The following RAPH1 variants were observed in gnomAD, a reference collection of about 807,000 sequenced individuals.
RAPH1 encodes the protein Ras association (RalGDS/AF-6) and pleckstrin homology domains 1.
A neutral mutation model predicts 88.1 loss-of-function variants in RAPH1; 18 were observed. The observed-to-expected ratio is 0.20, with a 90% CI of 0.14 to 0.30. The LOEUF is 0.30. RAPH1 is among the 10% of genes least tolerant of loss of function. RAPH1 has a pLI of 1.00. For synonymous variants in RAPH1, 587 were observed against 559.0 expected, an observed-to-expected ratio of 1.05 and a Z score of -0.71; for missense variants, 1,448 against 1,543.2, an observed-to-expected ratio of 0.94 and a Z score of 1.03.
At chr2:203,466,155 C>T (rs982272841) in intron 4 of RAPH1, among the ~76,000 whole-genome samples, 9 of 152,126 alleles carry the variant, frequency 5.9e-5, no homozygotes, top group African/African-American at 1.9e-4. Context: ...GTTTATACTT[C>T]TCTAGTTTTA....
chr2:203,488,392 C>T (rs1335102756), intron 4 of RAPH1, among the ~76,000 whole-genome samples: 2 of 151,534 alleles, frequency 1.3e-5, no homozygotes, highest in Non-Finnish European at 2.9e-5. Flanking sequence ...AGTTTGAGAC[C>T]AGCCTGGCCA....
chr2:203,516,221 A>G (rs1444471979), intron 1 of RAPH1, among the ~76,000 whole-genome samples: 2 of 152,192 alleles, frequency 1.3e-5, no homozygotes, highest in African/African-American at 4.8e-5. Context: ...TGTAAATTGC[A>G]AAGTCTTGGG....
intron 1 of RAPH1, among the ~76,000 whole-genome samples, chr2:203,503,979 C>A (rs1688856706): frequency 6.6e-6 from 1 of 152,214 alleles, no homozygotes; most frequent in Non-Finnish European, 1.5e-5. Context: ...GGTGGGTTCC[C>A]ATGGTCTTGG....
At chr2:203,450,904 T>A (rs2098514315) in intron 10 of RAPH1, among the ~76,000 whole-genome samples, 2 of 152,118 alleles carry the variant, frequency 1.3e-5, no homozygotes, top group Non-Finnish European at 2.9e-5. Context: ...AGGGTTTTTT[T>A]TTTTTTTTAA....
chr2:203,531,412 AT>A (rs1002635635), intron 1 of RAPH1, among the ~76,000 whole-genome samples: 1 of 151,306 alleles, frequency 6.6e-6, no homozygotes, highest in African/African-American at 2.5e-5. Context: ...AAAAAAAAAA[AT>A]TTGTGCAAAA....
In RAPH1 at chr2:203,454,396, C is replaced by A. The variant is rs1168885830; in HGVS notation, c.1413+34G>T. The A allele has an allele frequency of 2.9e-6, 4 of 1,386,902 alleles. No individual in the cohort carries two copies. In the African/African-American group the frequency reaches 4.3e-5, roughly 15 times the overall value. The allele number at this position is 1,386,902 out of a possible 1,614,324, so 85.9% of individuals were successfully genotyped here. On this transcript the variant is annotated intron_variant, in intron 10 of 13. Coordinates refer to ENST00000319170, the MANE Select transcript of RAPH1 (RefSeq NM_213589.3). ...CAATAACCTGCTCTATGTCTAACAT[C>A]AATTAAAATTCCTAAAAAGAAATAT...
chr2:203,509,253 A>G (rs902097880), intron 1 of RAPH1, among the ~76,000 whole-genome samples: 5 of 151,886 alleles, frequency 3.3e-5, no homozygotes, highest in African/African-American at 9.7e-5. Flanking sequence ...GTATTTTTAT[A>G]GAGATGAGAT....
Position 203,461,872 on chromosome 2 carries a change from T to C in RAPH1, c.786A>G (p.Lys262=), listed in dbSNP as rs2153641927. The C allele has an allele frequency of 1.9e-6, 3 of 1,608,330 alleles. No individual in the cohort carries two copies. Among genetic ancestry groups the C allele is most frequent in the Non-Finnish European group, 2.5e-6 (3 of 1,177,338 alleles). ...CCTTTTTCACTTGTGCCTCTTTAAT[T>C]TTCTCTAGGGCAACTCTGATCTTCT... ...KAEKIRVALE[K]IKEAQVKKLV... Residue 262 remains lysine, a synonymous_variant, in exon 5 of 14, where the codon AAA becomes AAG. Coordinates refer to ENST00000319170, the MANE Select transcript of RAPH1 (RefSeq NM_213589.3).
At chr2:203,450,101 C>T (rs558656650) in intron 10 of RAPH1, among the ~76,000 whole-genome samples, 5 of 151,388 alleles carry the variant, frequency 3.3e-5, no homozygotes, top group South Asian at 2.1e-4. Flanking sequence ...CAATCATAGT[C>T]ATTTGTTGTG....
At chr2:203,503,262 G>A (rs374845805) in intron 1 of RAPH1, among the ~76,000 whole-genome samples, 5 of 152,042 alleles carry the variant, frequency 3.3e-5, no homozygotes, top group South Asian at 2.1e-4. Context: ...CTATTAAACC[G>A]CAAACAGGAA....
chr2:203,461,148 T>C (rs1454882765), intron 6 of RAPH1, 101 bp downstream of exon 6: 9 of 394,786 alleles, frequency 2.3e-5, no homozygotes, highest in African/African-American at 8.5e-5. Flanking sequence ...AATAAAAACA[T>C]ATATATATAT....
chr2:203,485,342 C>T (rs1227451201), intron 4 of RAPH1, among the ~76,000 whole-genome samples: 2 of 143,654 alleles, frequency 1.4e-5, no homozygotes, highest in East Asian at 2.1e-4. Context: ...ACCTGGGAGG[C>T]GGAGGTTGCA....
chr2:203,477,257 A>T, intron 4 of RAPH1: 1 of 864,620 alleles, frequency 1.2e-6, no homozygotes, highest in Non-Finnish European at 1.9e-6. Context: ...AAGTGAAACA[A>T]AACAGTAATG....
At chr2:203,533,835 C>A (rs866854986) in intron 1 of RAPH1, among the ~76,000 whole-genome samples, 1 of 152,110 alleles carries the variant, frequency 6.6e-6, no homozygotes, top group Non-Finnish European at 1.5e-5. Flanking sequence ...CATACATTAT[C>A]TCATTTAATC....
At chr2:203,441,645 AG>A (rs2098504297) in intron 13 of RAPH1, 1 of 1,336,450 alleles carries the variant, frequency 7.5e-7, no homozygotes, top group Admixed American at 3.7e-5. Context: ...TAAAATAGCT[AG>A]ACCATCTAAC....
In RAPH1 at chr2:203,440,390, G is replaced by C. The variant is rs773570842; in HGVS notation, c.2800C>G (p.Pro934Ala). Residue 934 changes from proline to alanine, a missense_variant, in exon 14 of 14, where the codon CCT becomes GCT. This residue lies in a region of RAPH1 where 935 missense variants were observed against 890.1 expected (regional missense o/e 1.05). Coordinates refer to ENST00000319170, the MANE Select transcript of RAPH1 (RefSeq NM_213589.3). Reference sequence around the variant, plus strand: ...GGTGGTGGTGGTGGGGCTGGGACAGGTGATGGGGGTGGAGGAGGAAACACC... The same window carrying C: ...GGTGGTGGTGGTGGGGCTGGGACAGCTGATGGGGGTGGAGGAGGAAACACC... ...SLVFPPPPPSPVPAPPPPPPP... is the reference protein window; with the variant it reads ...SLVFPPPPPSAVPAPPPPPPP... The C allele has an allele frequency of 1.3e-6, 2 of 1,578,080 alleles. No individual in the cohort carries two copies. Among genetic ancestry groups the C allele is most frequent in the Non-Finnish European group, 8.6e-7 (1 of 1,160,934 alleles).
intron 4 of RAPH1, among the ~76,000 whole-genome samples, chr2:203,475,362 G>A (rs946940458): frequency 5.3e-5 from 8 of 151,850 alleles, no homozygotes; most frequent in South Asian, 2.1e-4. Context: ...AGCCAAGATC[G>A]CGCCACTGCA....
chr2:203,469,537 AAT>A (rs758851251), intron 4 of RAPH1, among the ~76,000 whole-genome samples: 2 of 152,220 alleles, frequency 1.3e-5, no homozygotes, highest in African/African-American at 2.4e-5. Flanking sequence ...ATTTTTCAGA[AAT>A]ATGTCTGATA....
At chr2:203,467,644 T>G (rs1304525822) in intron 4 of RAPH1, among the ~76,000 whole-genome samples, 2 of 152,076 alleles carry the variant, frequency 1.3e-5, no homozygotes, top group African/African-American at 4.8e-5. Context: ...ACAGGAGGAC[T>G]TTTCATGTCC....
Sources: gnomAD v4.1 joint callset for allele counts (sites outside exome capture counted in the v4.1 genomes callset) on GRCh38, gnomAD v4.1.1 for gene constraint, gnomAD v4.1.1 regional missense constraint, MANE v1.5 for transcripts, NCBI Gene and HGNC (gene_info 2026-07-23, HGNC 2026-07-21) for gene names.